Variants in ZP3 observed in about 807,000 individuals in gnomAD.
ZP3 encodes zona pellucida sperm-binding protein 3.
In ZP3, 21 loss-of-function variants were observed where a neutral mutation model predicts 35.6. The ratio of observed to expected loss-of-function variants is 0.59; its 90% CI spans 0.42 to 0.85. The LOEUF (loss-of-function observed/expected upper bound fraction) is 0.85, where lower values mean the gene tolerates loss of function less well. Ranked by LOEUF, ZP3 falls within the 40% of genes least tolerant of loss-of-function variation. The pLI is 0.00. For missense variants in ZP3, 437 were observed against 536.5 expected (o/e 0.81, Z 1.83); for synonymous variants, 207 against 214.5 (o/e 0.96, Z 0.31).
chr7:76,431,216 T>A (rs3789839), intron 2 of ZP3, among the ~76,000 whole-genome samples: 72,777 of 151,946 alleles, frequency 0.48, 17,673 homozygotes, highest in South Asian at 0.58. Flanking sequence ...GGTGCCTATG[T>A]GGGTAGGGGA....
chr7:76,413,459 G>T (rs6957080), intron 1 of ZP3, among the ~76,000 whole-genome samples: 6,318 of 151,660 alleles, frequency 0.042, 396 homozygotes, highest in African/African-American at 0.14. Flanking sequence ...TAGAGTCAGG[G>T]TTTTGCCATG....
At chr7:76,432,191 CTTTTCTTTTT>C (rs1361299834) in intron 2 of ZP3, among the ~76,000 whole-genome samples, 1 of 148,098 alleles carries the variant, frequency 6.8e-6, no homozygotes, top group Non-Finnish European at 1.5e-5. Context: ...CTTTTCTTTT[CTTTTCTTTTT>C]TTTTTGAGAT....
upstream of ZP3, among the ~76,000 whole-genome samples, chr7:76,422,510 C>T (rs922945745): frequency 2.0e-5 from 3 of 151,436 alleles, no homozygotes; most frequent in African/African-American, 7.3e-5. Context: ...GGAACCCTGT[C>T]TTTACTAAAA....
intron 1 of ZP3, among the ~76,000 whole-genome samples, chr7:76,409,167 G>A (rs1805148373): frequency 6.6e-6 from 1 of 152,042 alleles, no homozygotes; most frequent in African/African-American, 2.4e-5. Flanking sequence ...GGCACAGGGT[G>A]GATACTCAGG....
At chr7:76,415,579 T>C (rs62476845) in intron 1 of ZP3, among the ~76,000 whole-genome samples, 88,706 of 149,296 alleles carry the variant, frequency 0.59, 27,351 homozygotes, top group African/African-American at 0.76. Flanking sequence ...CTGCAACCTC[T>C]GCCTCCCAGG....
At position 76,432,975 on chromosome 7, in the gene ZP3, C is replaced by T. The variant is rs1231154900; in HGVS notation, c.480C>T (p.Phe160=). ...CCATCCTGCCCACCTGGTTGCCCTT[C>T]AGGACCACGGTGTTCTCAGAGGAGA... ...SQAILPTWLP[F]RTTVFSEEKL... The change falls in exon 3 of 8, where the codon TTC becomes TTT. Residue 160 remains phenylalanine, a synonymous_variant. Transcript: ENST00000394857. 1.2e-6 allele frequency: 2 copies of T among 1,614,034 alleles called. No individual in the cohort carries two copies. The highest frequency in any genetic ancestry group is 1.7e-6 in the Non-Finnish European group (2 of 1,180,042).
rs60553917 is a variant in ZP3, at chr7:76,436,030, C to CTTTTTTTTTT, written c.831+1911_831+1920dup. ...TGAACCACCACGCGCCCCCCGCCCCCTTTTTTTTTTTTTTTTTTTTTTTTT... is the reference window on the plus strand; with the variant it reads ...TGAACCACCACGCGCCCCCCGCCCCCTTTTTTTTTTTTTTTTTTTTTTTTTTTTTTTTTTT... On this transcript the variant is annotated intron_variant, in intron 5 of 7. Transcript: ENST00000394857. Among the ~76,000 whole-genome samples the CTTTTTTTTTT allele has an allele frequency of 2.2e-4, 16 of 74,358 alleles. 1 individual carries two copies. The East Asian group carries it at 2.2e-3, about 10-fold the overall frequency. 48.8% of individuals were successfully genotyped at this position (74,358 alleles called of 152,430 possible).
chr7:76,429,660 CT>C (rs1052224147), intron 2 of ZP3, 27 bp downstream of exon 2: 3 of 1,596,182 alleles, frequency 1.9e-6, no homozygotes, highest in Non-Finnish European at 2.6e-6. Context: ...CTCATGGCCC[CT>C]GGTGCAAAAG....
chr7:76,432,459 T>A (rs4509249), intron 2 of ZP3, among the ~76,000 whole-genome samples: 30,646 of 152,024 alleles, frequency 0.2, 3,301 homozygotes, highest in South Asian at 0.28. Context: ...GCTGGGATTA[T>A]AGGCTTGAGC....
rs1351580453 is a variant in ZP3 at position 76,435,933 on chromosome 7, C to G, written c.831+1778C>G. On this transcript the variant is annotated intron_variant, in intron 5 of 7. Coordinates refer to ENST00000394857, the MANE Select transcript of ZP3 (RefSeq NM_001110354.2). ...TAGAGACAGGGATTCATCATTTTGG[C>G]CAGGCTGGTCTTGAACTCTTGACCT... 2.0e-5 allele frequency among the ~76,000 whole-genome samples: 3 copies of G among 151,464 alleles called. No individual in the cohort carries two copies. The South Asian group carries it at 6.3e-4, about 32-fold the overall frequency.
chr7:76,436,023 C>G (rs1188180168), intron 5 of ZP3, among the ~76,000 whole-genome samples: 14 of 145,434 alleles, frequency 9.6e-5, no homozygotes, highest in African/African-American at 3.6e-4. Context: ...CACGCGCCCC[C>G]CGCCCCCTTT....
intron 1 of ZP3, among the ~76,000 whole-genome samples, chr7:76,407,108 G>T (rs1405748793): frequency 2.0e-5 from 3 of 152,046 alleles, no homozygotes; most frequent in Non-Finnish European, 4.4e-5. Flanking sequence ...TTACTGGCAT[G>T]TGCCACCATA....
chr7:76,404,275 G>A, intron 1 of ZP3: 4 of 1,518,406 alleles, frequency 2.6e-6, no homozygotes, highest in East Asian at 2.3e-5. Context: ...TCAGAAAGAG[G>A]AAGTGGCAAG....
Position 76,407,394 on chromosome 7 carries a change from C to A in ZP3, c.-67+9597C>A, listed in dbSNP as rs1214182616. ...TCGCCCAGGCTGGAGTGCAGTGGCA[C>A]AATCTCGGCTCACTGCACCCTCCAC... is the stretch of plus-strand genomic sequence containing the variant. On this transcript the variant is annotated intron_variant, in intron 1 of 8. Coordinates refer to the ZP3 transcript ENST00000336517. Among the ~76,000 whole-genome samples, 6 of 151,482 alleles carry A rather than the reference C, an allele frequency of 4.0e-5. No homozygotes were observed. The East Asian group carries it at 9.8e-4, about 25-fold the overall frequency.
At chr7:76,433,808 C>G (rs1265253893) in intron 4 of ZP3, 161 bp downstream of exon 4, 11 of 1,016,828 alleles carry the variant, frequency 1.1e-5, no homozygotes, top group Non-Finnish European at 1.6e-5. Flanking sequence ...AAGTGATTCT[C>G]CTGCCTCAGC....
At chr7:76,431,675 G>C (rs571077603) in intron 2 of ZP3, among the ~76,000 whole-genome samples, 402 of 152,216 alleles carry the variant, frequency 2.6e-3, no homozygotes, top group Non-Finnish European at 4.3e-3. Flanking sequence ...CGAGGCGGGC[G>C]GATCATGAGG....
chr7:76,431,298 G>A (rs180740851), intron 2 of ZP3, among the ~76,000 whole-genome samples: 50 of 152,300 alleles, frequency 3.3e-4, no homozygotes, highest in Middle Eastern at 3.4e-3. Context: ...TCCTGTGACC[G>A]TGGAAGTCTG....
intron 6 of ZP3, 21 bp downstream of exon 6, chr7:76,440,362 G>T (rs567156773): frequency 1.2e-6 from 2 of 1,609,174 alleles, no homozygotes; most frequent in East Asian, 2.3e-5. Context: ...CAGGTGCTCC[G>T]TGACTGGAGT....
chr7:76,418,236 C>G (rs1484716461), intron 1 of ZP3, among the ~76,000 whole-genome samples: 1 of 151,972 alleles, frequency 6.6e-6, no homozygotes, highest in Non-Finnish European at 1.5e-5. Flanking sequence ...GCGAATAGTG[C>G]TATTTTTTTA....
Sources: gnomAD v4.1 joint callset for allele counts (sites outside exome capture counted in the v4.1 genomes callset) on GRCh38, gnomAD v4.1.1 for gene constraint, MANE v1.5 for transcripts, NCBI Gene and HGNC (gene_info 2026-07-23, HGNC 2026-07-21) for gene names.